Variants in PRELID2 observed in about 807,000 individuals in gnomAD.
PRELID2 encodes PRELI domain containing 2.
Under a neutral mutation model 28.4 loss-of-function variants are expected in PRELID2, and 25 were observed. That is an observed-to-expected ratio of 0.88 (90% CI 0.64 to 1.23). PRELID2 has a LOEUF of 1.23. Ranked by LOEUF, PRELID2 falls within the 50% of genes most tolerant of loss-of-function variation. The pLI is 0.00. For synonymous variants in PRELID2, 76 were observed against 71.6 expected (o/e 1.06, Z -0.31); for missense variants, 201 against 214.4 (o/e 0.94, Z 0.39).
At chr5:145,480,741 C>T (rs946284825) in intron 1 of PRELID2, among the ~76,000 whole-genome samples, 2 of 152,010 alleles carry the variant, frequency 1.3e-5, no homozygotes, top group East Asian at 1.9e-4. Context: ...CTGAGATCTG[C>T]TACATTTAAA....
At chr5:145,229,521 T>A in the PRELID2 span, 1 of 1,413,734 alleles carries the variant, frequency 7.1e-7, no homozygotes. Flanking sequence ...CCCGTGAGGG[T>A]GACCAGCGTC....
At chr5:145,620,270 C>A (rs1753756229) in intron 1 of PRELID2, among the ~76,000 whole-genome samples, 1 of 151,670 alleles carries the variant, frequency 6.6e-6, no homozygotes, top group East Asian at 1.9e-4. Context: ...AAGCATAACT[C>A]CAGTAAAACA....
chr5:145,428,041 C>A, the PRELID2 span, among the ~76,000 whole-genome samples: 1 of 152,132 alleles, frequency 6.6e-6, no homozygotes. Flanking sequence ...TCACTGCAAT[C>A]TCTGCCTCCT....
At chr5:145,804,812 C>T (rs931742123) in intron 4 of PRELID2, among the ~76,000 whole-genome samples, 1 of 152,114 alleles carries the variant, frequency 6.6e-6, no homozygotes, top group Non-Finnish European at 1.5e-5. Context: ...TGAAAGCTTA[C>T]GGGCATCCTG....
At chr5:145,816,022 T>C (rs527376159) in intron 4 of PRELID2, among the ~76,000 whole-genome samples, 169 of 151,842 alleles carry the variant, frequency 1.1e-3, no homozygotes, top group African/African-American at 3.8e-3. Flanking sequence ...ATAAGAAACA[T>C]GTAAGGGTTC....
chr5:145,368,615 T>C, the PRELID2 span, among the ~76,000 whole-genome samples: 1 of 151,954 alleles, frequency 6.6e-6, no homozygotes, highest in Non-Finnish European at 1.5e-5. Flanking sequence ...ATCCCTCTCA[T>C]ATAAAAGTTA....
At chr5:145,508,920 G>A (rs1391003134) in intron 1 of PRELID2, among the ~76,000 whole-genome samples, 2 of 152,168 alleles carry the variant, frequency 1.3e-5, no homozygotes, top group Non-Finnish European at 2.9e-5. Flanking sequence ...ACTGAGGCTT[G>A]ACTCTCCATG....
chr5:145,296,558 G>T, the PRELID2 span, among the ~76,000 whole-genome samples: 8 of 152,006 alleles, frequency 5.3e-5, no homozygotes, highest in Non-Finnish European at 1.0e-4. Flanking sequence ...TCCATGGTGT[G>T]TATGTGCCAC....
At chr5:145,723,435 T>G (rs556298649) in intron 1 of PRELID2, among the ~76,000 whole-genome samples, 14 of 151,496 alleles carry the variant, frequency 9.2e-5, no homozygotes, top group South Asian at 2.1e-4. Flanking sequence ...GAGACCATTT[T>G]GGAACGTTTG....
intron 1 of PRELID2, among the ~76,000 whole-genome samples, chr5:145,670,030 T>C (rs1754675076): frequency 6.6e-6 from 1 of 152,152 alleles, no homozygotes; most frequent in Admixed American, 6.6e-5. Context: ...TAATCATATG[T>C]GCTCATTAGT....
chr5:145,816,840 A>G (rs1274994124), intron 4 of PRELID2, among the ~76,000 whole-genome samples: 1 of 152,128 alleles, frequency 6.6e-6, no homozygotes, highest in Non-Finnish European at 1.5e-5. Context: ...GTATGCAAAT[A>G]ATATCTCAAT....
At chr5:145,651,318 T>C (rs1445674271) in intron 1 of PRELID2, among the ~76,000 whole-genome samples, 2 of 152,146 alleles carry the variant, frequency 1.3e-5, no homozygotes, top group Non-Finnish European at 2.9e-5. Context: ...CTCTGTAGAC[T>C]CCACCTCTGG....
chr5:145,536,997 A>G (rs1752704416), intron 1 of PRELID2, among the ~76,000 whole-genome samples: 1 of 151,912 alleles, frequency 6.6e-6, no homozygotes, highest in African/African-American at 2.4e-5. Context: ...ATTATTAAAT[A>G]AGCAAGTATT....
chr5:145,482,336 G>A (rs1752169414), intron 1 of PRELID2, among the ~76,000 whole-genome samples: 1 of 152,132 alleles, frequency 6.6e-6, no homozygotes, highest in Admixed American at 6.5e-5. Flanking sequence ...AAACAGGAAA[G>A]AAATCTGTGC....
chr5:145,520,152 T>G (rs2098250413), intron 1 of PRELID2, among the ~76,000 whole-genome samples: 1 of 152,182 alleles, frequency 6.6e-6, no homozygotes, highest in African/African-American at 2.4e-5. Flanking sequence ...ATTTTCCCGC[T>G]AAACCAAGAC....
At chr5:145,231,176 G>T in the PRELID2 span, among the ~76,000 whole-genome samples, 1 of 151,614 alleles carries the variant, frequency 6.6e-6, no homozygotes, top group South Asian at 2.1e-4. Context: ...TGCAATGCCT[G>T]CATTACAAAC....
chr5:145,393,139 A>C, the PRELID2 span, among the ~76,000 whole-genome samples: 1 of 152,184 alleles, frequency 6.6e-6, no homozygotes, highest in South Asian at 2.1e-4. Context: ...ACACAATCAG[A>C]TGCTGGCCTT....
downstream of PRELID2, among the ~76,000 whole-genome samples, chr5:145,755,328 CACACAG>C (rs1757228510): frequency 2.0e-5 from 3 of 152,210 alleles, no homozygotes; most frequent in South Asian, 6.2e-4. Context: ...AGCAGAAAGA[CACACAG>C]GAAAGCTTCC....
chr5:145,825,465 G>A (rs925475298), intron 1 of PRELID2, among the ~76,000 whole-genome samples: 1 of 152,056 alleles, frequency 6.6e-6, no homozygotes, highest in African/African-American at 2.4e-5. Context: ...GTACACTAAA[G>A]TAAAATGTGC....
Sources: allele counts gnomAD v4.1 joint callset (sites outside exome capture counted in the v4.1 genomes callset), GRCh38; gene constraint gnomAD v4.1.1; transcripts MANE v1.5; gene names NCBI Gene and HGNC (gene_info 2026-07-23, HGNC 2026-07-21).